ARAP2: variants seen among roughly 807,000 people sequenced by gnomAD.
ARAP2 encodes the protein arf-GAP with Rho-GAP domain, ANK repeat and PH domain-containing protein 2.
In ARAP2, 148 loss-of-function variants were observed where a neutral mutation model predicts 194.5. That is an observed-to-expected ratio of 0.76 (90% confidence interval 0.67 to 0.87). The LOEUF is 0.87. ARAP2 is among the 40% of genes least tolerant of loss of function. The pLI, the probability that ARAP2 is intolerant of heterozygous loss-of-function variation, is 0.00. For synonymous variants in ARAP2, 695 were observed against 683.5 expected, an observed-to-expected ratio of 1.02 and a Z score of -0.26; for missense variants, 2,128 against 1,989.7, an observed-to-expected ratio of 1.07 and a Z score of -1.32.
intron 1 of ARAP2, among the ~76,000 whole-genome samples, chr4:36,237,270 T>C (rs1240315217): frequency 6.6e-6 from 1 of 152,084 alleles, no homozygotes; most frequent in East Asian, 1.9e-4. Context: ...TGTGGAAAAA[T>C]CACTAATTCC....
intron 19 of ARAP2, among the ~76,000 whole-genome samples, chr4:36,137,370 A>AGTACAAT (rs1727098983): frequency 6.6e-6 from 1 of 151,902 alleles, no homozygotes; most frequent in African/African-American, 2.4e-5. Context: ...TTATAAACTT[A>AGTACAAT]GTACAATGAG....
intron 21 of ARAP2, among the ~76,000 whole-genome samples, chr4:36,127,191 A>C (rs1724145794): frequency 6.6e-6 from 1 of 152,092 alleles, no homozygotes; most frequent in East Asian, 1.9e-4. Flanking sequence ...TAAGTCTATA[A>C]AGTAGAGATA....
At chr4:36,109,548 A>G (rs1185936449) in intron 26 of ARAP2, among the ~76,000 whole-genome samples, 1 of 151,950 alleles carries the variant, frequency 6.6e-6, no homozygotes, top group Non-Finnish European at 1.5e-5. Flanking sequence ...TTTTCTTCAA[A>G]TAATTTTCTA....
intron 5 of ARAP2, among the ~76,000 whole-genome samples, chr4:36,034,681 G>C (rs1428718694): frequency 2.0e-5 from 3 of 152,040 alleles, no homozygotes; most frequent in African/African-American, 7.2e-5. Flanking sequence ...GGTTCTCAAG[G>C]AGAACGCTTG....
At position 36,133,295 on chromosome 4, in the gene ARAP2, C is replaced by A; in HGVS notation, c.3358G>T (p.Asp1120Tyr). 1.2e-6 allele frequency: 2 copies of A among 1,611,360 alleles called. No homozygotes were observed. The highest frequency in any genetic ancestry group is 1.7e-6 in the Non-Finnish European group (2 of 1,178,336). Residue 1120 changes from aspartate to tyrosine, a missense_variant, in exon 20 of 33, where the codon GAT (aspartate) becomes TAT (tyrosine). By Grantham distance (160) the Asp-to-Tyr change is radical. Coordinates refer to ENST00000303965, the MANE Select transcript of ARAP2 (RefSeq NM_015230.4). ...ACGTCATTTTTGCTGAGCTGCTGAT[C>A]TTGTAAAGCATTACCATCTGTACCT... is the stretch of plus-strand genomic sequence containing the variant. Reference protein sequence around the residue: ...AAGTDGNALQDQQLSKNDVPI... With the variant: ...AAGTDGNALQYQQLSKNDVPI...
chr4:36,019,630 G>A (rs541541336), intron 5 of ARAP2, among the ~76,000 whole-genome samples: 8 of 152,080 alleles, frequency 5.3e-5, no homozygotes, highest in East Asian at 1.9e-4. Context: ...CAAGAATGAC[G>A]TGTAGGTGTT....
At chr4:36,196,498 A>T (rs985938483) in intron 6 of ARAP2, among the ~76,000 whole-genome samples, 6 of 152,000 alleles carry the variant, frequency 3.9e-5, no homozygotes, top group Non-Finnish European at 7.4e-5. Context: ...AATTATTTTA[A>T]TTTTTTTCAA....
chr4:36,100,603 T>C (rs1037426822), intron 27 of ARAP2, among the ~76,000 whole-genome samples: 1 of 151,924 alleles, frequency 6.6e-6, no homozygotes, highest in Admixed American at 6.6e-5. Flanking sequence ...ATTGTATAGA[T>C]GTATTTTTTT....
intron 26 of ARAP2, among the ~76,000 whole-genome samples, chr4:36,112,343 T>G (rs1720211526): frequency 6.6e-6 from 1 of 151,966 alleles, no homozygotes; most frequent in Non-Finnish European, 1.5e-5. Context: ...ATTATAGATT[T>G]TTAAACAAAT....
At chr4:36,141,747 A>G (rs1378979844) in intron 19 of ARAP2, among the ~76,000 whole-genome samples, 1 of 151,720 alleles carries the variant, frequency 6.6e-6, no homozygotes, top group Non-Finnish European at 1.5e-5. Flanking sequence ...ACTAGCAAAA[A>G]TATAAGGTTC....
At chr4:36,112,871 G>T (rs1400979739) in intron 26 of ARAP2, among the ~76,000 whole-genome samples, 1 of 151,644 alleles carries the variant, frequency 6.6e-6, no homozygotes, top group African/African-American at 2.4e-5. Flanking sequence ...AGGTATATTT[G>T]GGAAACACCA....
At chr4:36,234,389 C>G (rs1454364449) in intron 1 of ARAP2, among the ~76,000 whole-genome samples, 1 of 152,156 alleles carries the variant, frequency 6.6e-6, no homozygotes, top group African/African-American at 2.4e-5. Flanking sequence ...GAGCTCTGCC[C>G]TCATGACCTA....
At chr4:36,201,431 GA>G (rs970508885) in intron 6 of ARAP2, among the ~76,000 whole-genome samples, 4 of 152,028 alleles carry the variant, frequency 2.6e-5, no homozygotes, top group African/African-American at 9.7e-5. Context: ...ATTCCTTCAG[GA>G]AAAAAGGTAA....
At chr4:36,085,197 T>C (rs1475627325) in intron 28 of ARAP2, among the ~76,000 whole-genome samples, 3 of 152,096 alleles carry the variant, frequency 2.0e-5, no homozygotes, top group Admixed American at 6.6e-5. Context: ...ACCTAGCTCA[T>C]TGTTTACCTT....
chr4:36,205,119 A>C (rs1254557983), intron 6 of ARAP2, among the ~76,000 whole-genome samples: 1 of 151,940 alleles, frequency 6.6e-6, no homozygotes, highest in East Asian at 1.9e-4. Flanking sequence ...TTGTTCAAAA[A>C]TGAGTAGCCT....
At chr4:36,029,991 T>C (rs567413299) in intron 5 of ARAP2, among the ~76,000 whole-genome samples, 7 of 152,214 alleles carry the variant, frequency 4.6e-5, no homozygotes, top group African/African-American at 1.7e-4. Context: ...GTCTCCATTA[T>C]AAATATGATT....
intron 19 of ARAP2, among the ~76,000 whole-genome samples, chr4:36,138,607 C>A (rs551695726): frequency 4.6e-5 from 7 of 151,780 alleles, no homozygotes; most frequent in Admixed American, 2.0e-4. Flanking sequence ...TTAACACATT[C>A]ACTGACTAAA....
intron 32 of ARAP2, among the ~76,000 whole-genome samples, chr4:36,070,752 ATTAC>A (rs1171667511): frequency 6.6e-6 from 1 of 152,212 alleles, no homozygotes; most frequent in Non-Finnish European, 1.5e-5. Context: ...AACTCACTGT[ATTAC>A]TTAATCTTCA....
Position 36,136,816 on chromosome 4 carries a change from T to TGTGTGCGC in ARAP2, c.3264-3428_3264-3427insGCGCACAC, listed in dbSNP as rs796925392. Among the ~76,000 whole-genome samples the TGTGTGCGC allele has an allele frequency of 7.6e-5, 11 of 145,278 alleles. No individual in the cohort carries two copies. The South Asian group carries it at 2.2e-3, about 29-fold the overall frequency. ...GTGTGTGTGTGTGTGTGTGTGTGTG[T>TGTGTGCGC]GTGCGTGTCTGTGTATCTCAGTCCT... On this transcript the variant is annotated intron_variant, in intron 19 of 32. Transcript: ENST00000303965.
Sources: gnomAD v4.1 joint callset for allele counts (sites outside exome capture counted in the v4.1 genomes callset) on GRCh38, gnomAD v4.1.1 for gene constraint, MANE v1.5 for transcripts, NCBI Gene and HGNC (gene_info 2026-07-23, HGNC 2026-07-21) for gene names.